Variants in CDH18 observed in about 807,000 individuals in gnomAD.
CDH18 encodes cadherin-18.
Under a neutral mutation model 67.9 loss-of-function variants are expected in CDH18, and 31 were observed. That is an observed-to-expected ratio of 0.46 (90% CI 0.34 to 0.62). The LOEUF is 0.62. Ranked by LOEUF, CDH18 falls within the 20% of genes least tolerant of loss-of-function variation. The pLI, the probability that CDH18 is intolerant of heterozygous loss-of-function variation, is 0.01. For missense variants in CDH18, 890 were observed against 975.5 expected, an observed-to-expected ratio of 0.91 and a Z score of 1.17; for synonymous variants, 362 against 347.2, an observed-to-expected ratio of 1.04 and a Z score of -0.48.
At chr5:20,434,918 A>G (rs974135436) in intron 1 of CDH18, among the ~76,000 whole-genome samples, 1 of 152,074 alleles carries the variant, frequency 6.6e-6, no homozygotes, top group Admixed American at 6.6e-5. Flanking sequence ...TGGATCTTGC[A>G]GCAAGCAGTC....
At position 20,096,847 on chromosome 5, in the gene CDH18, AAATCAG is replaced by A. The variant is rs563550636; in HGVS notation, c.-517-104839_-517-104834del. Among the ~76,000 whole-genome samples, 291 of 152,264 alleles carry A rather than the reference AAATCAG, an allele frequency of 1.9e-3. 1 individual carries two copies. Among genetic ancestry groups the A allele is most frequent in the Non-Finnish European group, 2.8e-3 (192 of 68,002 alleles). On this transcript the variant is annotated intron_variant, in intron 2 of 14. Coordinates refer to the CDH18 transcript ENST00000507958. ...GATATGATAAAAGACATAAAACAAA[AAATCAG>A]CAACTAATTTACAGGTAAATGGTAC...
At chr5:20,522,601 A>G (rs533856918) in intron 1 of CDH18, among the ~76,000 whole-genome samples, 1 of 152,276 alleles carries the variant, frequency 6.6e-6, no homozygotes, top group South Asian at 2.1e-4. Context: ...AAGTAATATT[A>G]ATGTGAGGCA....
At chr5:20,003,065 CATT>C (rs1736579484) in intron 2 of CDH18, among the ~76,000 whole-genome samples, 1 of 151,556 alleles carries the variant, frequency 6.6e-6, no homozygotes. Context: ...CATTTTAGAA[CATT>C]ATCAGTGTTG....
At chr5:20,388,480 T>C (rs1036365524) in intron 1 of CDH18, among the ~76,000 whole-genome samples, 13 of 152,170 alleles carry the variant, frequency 8.5e-5, no homozygotes, top group Non-Finnish European at 1.8e-4. Context: ...TTAGTCTTGC[T>C]AGTGGTCTAT....
chr5:20,376,795 T>A (rs576345465), intron 1 of CDH18, among the ~76,000 whole-genome samples: 1 of 152,002 alleles, frequency 6.6e-6, no homozygotes, highest in Admixed American at 6.5e-5. Context: ...GGCGGGAGGA[T>A]CTCCTGAGTT....
chr5:19,671,912 C>T (rs189716441), intron 5 of CDH18, among the ~76,000 whole-genome samples: 1 of 152,180 alleles, frequency 6.6e-6, no homozygotes, highest in Non-Finnish European at 1.5e-5. Context: ...AAGATAGTCA[C>T]CACCAGTGAT....
intron 2 of CDH18, among the ~76,000 whole-genome samples, chr5:20,147,672 G>T (rs1250481378): frequency 6.6e-6 from 1 of 151,886 alleles, no homozygotes; most frequent in African/African-American, 2.4e-5. Context: ...TATTTTACCT[G>T]CAATTAAGCC....
At chr5:20,437,745 A>G (rs1265718259) in intron 1 of CDH18, among the ~76,000 whole-genome samples, 4 of 151,436 alleles carry the variant, frequency 2.6e-5, no homozygotes, top group African/African-American at 9.7e-5. Context: ...TAAAACAAAG[A>G]TAAGTTTTAT....
At chr5:20,044,121 C>T (rs1740694585) in intron 2 of CDH18, among the ~76,000 whole-genome samples, 1 of 151,914 alleles carries the variant, frequency 6.6e-6, no homozygotes, top group African/African-American at 2.4e-5. Flanking sequence ...CATTTCACAA[C>T]AATTTGTATT....
intron 1 of CDH18, among the ~76,000 whole-genome samples, chr5:20,480,581 C>A (rs1229091717): frequency 6.6e-6 from 1 of 151,968 alleles, no homozygotes; most frequent in Non-Finnish European, 1.5e-5. Flanking sequence ...CCACACTTGG[C>A]TAAGTTTTGT....
intron 1 of CDH18, among the ~76,000 whole-genome samples, chr5:20,472,145 T>C (rs910222136): frequency 6.6e-6 from 1 of 152,218 alleles, no homozygotes; most frequent in African/African-American, 2.4e-5. Context: ...ACATGTGTTA[T>C]CTTCTATGAG....
At chr5:19,681,028 G>A (rs887422870) in intron 5 of CDH18, among the ~76,000 whole-genome samples, 22 of 151,746 alleles carry the variant, frequency 1.4e-4, no homozygotes, top group African/African-American at 4.1e-4. Context: ...TCCATCAATG[G>A]CAGACTAAAA....
chr5:19,535,069 AC>A (rs1344104190), intron 9 of CDH18, among the ~76,000 whole-genome samples: 1 of 152,150 alleles, frequency 6.6e-6, no homozygotes, highest in African/African-American at 2.4e-5. Context: ...CTGGGTGACA[AC>A]CTCTTGAATA....
intron 2 of CDH18, among the ~76,000 whole-genome samples, chr5:20,116,302 G>A (rs933459076): frequency 6.6e-6 from 1 of 151,964 alleles, no homozygotes; most frequent in African/African-American, 2.4e-5. Flanking sequence ...CTGAGGTCAG[G>A]AGTTTGAGAT....
chr5:19,794,547 T>C (rs4866153), intron 3 of CDH18, among the ~76,000 whole-genome samples: 83,463 of 151,846 alleles, frequency 0.55, 23,254 homozygotes, highest in Middle Eastern at 0.67. Flanking sequence ...TCCCATAAAT[T>C]GATCCCTTTT....
Position 19,591,258 on chromosome 5 carries a change from C to A in CDH18, c.812-14G>T, listed in dbSNP as rs1258003910. The A allele has an allele frequency of 1.3e-6, 2 of 1,489,798 alleles. No individual in the cohort carries two copies. Among genetic ancestry groups the A allele is most frequent in the South Asian group, 1.3e-5 (1 of 76,090 alleles). The allele number at this position is 1,489,798 out of a possible 1,614,324, so 92.3% of individuals were successfully genotyped here. ...GCTGATAGTGTTCTGGAAGACATTTCATATTAAACATATTTAAATACAATG... is the reference window on the plus strand; with the variant it reads ...GCTGATAGTGTTCTGGAAGACATTTAATATTAAACATATTTAAATACAATG... On this transcript the variant is annotated splice_polypyrimidine_tract_variant and intron_variant, in intron 6 of 12. Coordinates refer to ENST00000382275, the MANE Select transcript of CDH18 (RefSeq NM_004934.5).
At chr5:19,610,275 G>C (rs533882994) in intron 6 of CDH18, among the ~76,000 whole-genome samples, 3 of 152,122 alleles carry the variant, frequency 2.0e-5, no homozygotes, top group African/African-American at 7.2e-5. Flanking sequence ...ATTCTGTTTT[G>C]TCAGGTAAAG....
intron 2 of CDH18, among the ~76,000 whole-genome samples, chr5:20,051,933 A>G (rs1482655403): frequency 6.6e-6 from 1 of 152,052 alleles, no homozygotes; most frequent in Non-Finnish European, 1.5e-5. Context: ...GATTCCAGAT[A>G]TTAGCATTTG....
intron 2 of CDH18, among the ~76,000 whole-genome samples, chr5:19,962,866 T>C (rs1797062174): frequency 6.6e-6 from 1 of 152,160 alleles, no homozygotes; most frequent in Non-Finnish European, 1.5e-5. Flanking sequence ...CATAATTCAT[T>C]TAAGATGATA....
Sources: gnomAD v4.1 joint callset for allele counts (sites outside exome capture counted in the v4.1 genomes callset) on GRCh38, gnomAD v4.1.1 for gene constraint, MANE v1.5 for transcripts, NCBI Gene and HGNC (gene_info 2026-07-23, HGNC 2026-07-21) for gene names.